NUCB2: variants seen among roughly 807,000 people sequenced by gnomAD.
NUCB2 encodes nucleobindin 2.
In NUCB2, 48 loss-of-function variants were observed where a neutral mutation model predicts 57.9. That is an observed-to-expected ratio of 0.83 (90% CI 0.66 to 1.05). The LOEUF (loss-of-function observed/expected upper bound fraction) is 1.05. Among genes scored for constraint, NUCB2 ranks in the 50% least tolerant of loss-of-function variants. The pLI is 0.00. For synonymous variants in NUCB2, 139 were observed against 152.1 expected, an observed-to-expected ratio of 0.91 and a Z score of 0.64; for missense variants, 442 against 476.2, an observed-to-expected ratio of 0.93 and a Z score of 0.67.
intron 5 of NUCB2, 23 bp from the exon 6 acceptor site, chr11:17,309,543 TCATTTA>T (rs763479979): frequency 1.9e-5 from 23 of 1,198,454 alleles, no homozygotes; most frequent in Non-Finnish European, 2.7e-5. Context: ...TAGAAATTGA[TCATTTA>T]CAGTTTTCTT....
At chr11:17,329,604 G>A (rs1951128126) in intron 11 of NUCB2, among the ~76,000 whole-genome samples, 1 of 152,204 alleles carries the variant, frequency 6.6e-6, no homozygotes, top group Admixed American at 6.5e-5. Flanking sequence ...CAGTCGCTAT[G>A]CTCCCTCCCC....
chr11:17,326,815 G>C (rs1244016961), intron 11 of NUCB2, among the ~76,000 whole-genome samples: 3 of 152,102 alleles, frequency 2.0e-5, no homozygotes, highest in Admixed American at 1.3e-4. Context: ...TGTACCTTCA[G>C]ATGATTTCTT....
chr11:17,288,880 TATACACACACACACACACAC>T (rs1238003973), intron 2 of NUCB2, among the ~76,000 whole-genome samples: 696 of 67,516 alleles, frequency 0.01, 46 homozygotes, highest in African/African-American at 0.021. Context: ...ATAACATGTA[TATACACACACACACACACAC>T]ACACACACAC....
intron 11 of NUCB2, among the ~76,000 whole-genome samples, chr11:17,323,747 T>C (rs929842517): frequency 6.6e-6 from 1 of 152,176 alleles, no homozygotes; most frequent in Non-Finnish European, 1.5e-5. Flanking sequence ...TTGATTTCAT[T>C]ACTTGTTACT....
intron 11 of NUCB2, among the ~76,000 whole-genome samples, chr11:17,315,695 T>A (rs1949139527): frequency 6.6e-6 from 1 of 152,206 alleles, no homozygotes; most frequent in Non-Finnish European, 1.5e-5. Context: ...GGAAGTCTTT[T>A]AAAAATTATA....
At chr11:17,339,160 G>T (rs1265244747) in intron 2 of NUCB2, among the ~76,000 whole-genome samples, 1 of 151,366 alleles carries the variant, frequency 6.6e-6, no homozygotes, top group Non-Finnish European at 1.5e-5. Flanking sequence ...GCTAATTTTT[G>T]TTTTTTCAGT....
chr11:17,325,851 G>C (rs1950594727), intron 11 of NUCB2, among the ~76,000 whole-genome samples: 1 of 151,816 alleles, frequency 6.6e-6, no homozygotes, highest in Admixed American at 6.6e-5. Context: ...TTTTAGATTT[G>C]AGGTTACCAT....
At chr11:17,338,796 G>A (rs989737562) in intron 2 of NUCB2, among the ~76,000 whole-genome samples, 8 of 148,564 alleles carry the variant, frequency 5.4e-5, no homozygotes, top group African/African-American at 1.5e-4. Context: ...CCCAAGTAGC[G>A]GGGACTATAG....
rs989540979 is a variant in NUCB2 at position 17,347,714 on chromosome 11, G to T, written n.2627-1631G>T. On this transcript the variant is annotated intron_variant and non_coding_transcript_variant, in intron 2 of 2. Transcript: ENST00000532240. ...TTTGTGTGTTGGATTTTGTTGTAAG[G>T]TCTCTTTAATTTCCTTTGATCTGGA... Among the ~76,000 whole-genome samples the T allele has an allele frequency of 3.9e-5, 6 of 152,096 alleles. 1 individual carries two copies. Among genetic ancestry groups the T allele is most frequent in the Admixed American group, 2.6e-4 (4 of 15,260 alleles).
chr11:17,317,520 A>C (rs72863686), intron 11 of NUCB2: 21,004 of 393,806 alleles, frequency 0.053, 936 homozygotes, highest in Admixed American at 0.15. Flanking sequence ...TTTCCCAATA[A>C]TATCCTTTAT....
chr11:17,323,281 A>G (rs965097733), intron 11 of NUCB2, among the ~76,000 whole-genome samples: 8 of 152,108 alleles, frequency 5.3e-5, no homozygotes, highest in African/African-American at 1.9e-4. Context: ...GAGGGTTTTC[A>G]TCATGAAGGG....
At position 17,276,779 on chromosome 11, in the gene NUCB2, G is replaced by A. The variant is rs369209853; in HGVS notation, c.-205G>A. 1.3e-5 allele frequency: 2 copies of A among 152,336 alleles called. No individual in the cohort carries two copies. Among genetic ancestry groups the A allele is most frequent in the Non-Finnish European group, 2.9e-5 (2 of 68,164 alleles). The allele number at this position is 152,336 out of a possible 1,614,324, so 9.4% of individuals were successfully genotyped here. The stretch of plus-strand genomic sequence containing the variant: ...GCCGGGGGCTGGAGGACAGGTTTGT[G>A]CGCTGGACGCAAGCACCAGGCGCAG... On this transcript the variant is annotated 5_prime_UTR_variant, in exon 1 of 14. Transcript: ENST00000529010.
At chr11:17,289,383 A>G (rs1006433160) in intron 2 of NUCB2, among the ~76,000 whole-genome samples, 1 of 152,178 alleles carries the variant, frequency 6.6e-6, no homozygotes, top group African/African-American at 2.4e-5. Flanking sequence ...TTTCAGATTC[A>G]TAGTCTTTCC....
intron 13 of NUCB2, 68 bp downstream of exon 13, chr11:17,331,051 TTACAAA>T (rs1951334424): frequency 1.0e-6 from 1 of 999,512 alleles, no homozygotes; most frequent in African/African-American, 1.6e-5. Flanking sequence ...TCCACATTTA[TTACAAA>T]TATAATTTCA....
chr11:17,340,743 G>A (rs575939413), intron 2 of NUCB2, among the ~76,000 whole-genome samples: 114 of 152,092 alleles, frequency 7.5e-4, no homozygotes, highest in African/African-American at 2.6e-3. Context: ...TGCTGTTTTG[G>A]TTACTGTAGC....
downstream of NUCB2, among the ~76,000 whole-genome samples, chr11:17,336,615 G>A (rs1282341049): frequency 6.6e-6 from 1 of 151,372 alleles, no homozygotes; most frequent in African/African-American, 2.4e-5. Context: ...TTAGCCGGGC[G>A]TGGTGGCGGG....
intron 6 of NUCB2, among the ~76,000 whole-genome samples, chr11:17,310,018 T>C (rs1948247113): frequency 6.6e-6 from 1 of 152,202 alleles, no homozygotes; most frequent in South Asian, 2.1e-4. Flanking sequence ...GCTACAGGGA[T>C]ATTCCATAAT....
At chr11:17,337,516 T>C (rs1951914986) in exon 2 of NUCB2, 1 of 152,240 alleles carries the variant, frequency 6.6e-6, no homozygotes, top group African/African-American at 2.4e-5. Flanking sequence ...TTTGTTTCTG[T>C]TGGAATTGGG....
At chr11:17,290,780 G>A (rs1488064143) in intron 2 of NUCB2, among the ~76,000 whole-genome samples, 2 of 152,028 alleles carry the variant, frequency 1.3e-5, no homozygotes, top group African/African-American at 2.4e-5. Context: ...TAGAAAATGG[G>A]ATAATTTTGA....
Sources: allele counts gnomAD v4.1 joint callset (sites outside exome capture counted in the v4.1 genomes callset), GRCh38; gene constraint gnomAD v4.1.1; transcripts MANE v1.5; gene names NCBI Gene and HGNC (gene_info 2026-07-23, HGNC 2026-07-21).